Variants in FHIP1A observed in about 807,000 individuals in gnomAD.
FHIP1A encodes the protein FHF complex subunit HOOK-interacting protein 1A.
A neutral mutation model predicts 88.6 loss-of-function variants in FHIP1A; 61 were observed. The observed-to-expected ratio is 0.69, with a 90% CI of 0.56 to 0.85. The LOEUF (loss-of-function observed/expected upper bound fraction) is 0.85. FHIP1A is among the 40% of genes least tolerant of loss of function. The pLI, the probability that FHIP1A is intolerant of heterozygous loss-of-function variation, is 0.00. For synonymous variants in FHIP1A, 478 were observed against 496.0 expected (o/e 0.96, Z 0.48); for missense variants, 1,154 against 1,273.5 (o/e 0.91, Z 1.43).
chr4:151,466,139 G>A (rs1425066380), intron 2 of FHIP1A, among the ~76,000 whole-genome samples: 1 of 152,098 alleles, frequency 6.6e-6, no homozygotes. Context: ...AGAGTTTCAG[G>A]ATACAAAATC....
At chr4:151,497,455 G>A (rs571718414) in intron 3 of FHIP1A, among the ~76,000 whole-genome samples, 53 of 152,254 alleles carry the variant, frequency 3.5e-4, no homozygotes, top group Non-Finnish European at 6.0e-4. Flanking sequence ...AAAAAGACAA[G>A]GAATAGGCAT....
intron 13 of FHIP1A, among the ~76,000 whole-genome samples, chr4:151,657,278 C>CA (rs1405928896): frequency 6.6e-6 from 1 of 152,114 alleles, no homozygotes; most frequent in Non-Finnish European, 1.5e-5. Flanking sequence ...CTGAGGAGGG[C>CA]ATGTGTTCTC....
chr4:151,460,083 A>T lies in FHIP1A; in HGVS notation c.-248+5275A>T, dbSNP rs536658968. ...TTTATTTTTGAATTTGTGGCTACAT[A>T]TTGAAAAATAACACTTCTTTTTGAT... On this transcript the variant is annotated intron_variant, in intron 2 of 13. Coordinates refer to ENST00000435205, the MANE Select transcript of FHIP1A (RefSeq NM_001109977.3). Among the ~76,000 whole-genome samples the T allele has an allele frequency of 2.0e-5, 3 of 152,296 alleles. No individual in the cohort carries two copies. The East Asian group carries it at 5.8e-4, about 29-fold the overall frequency.
At chr4:151,443,237 G>T (rs1445006515) in intron 1 of FHIP1A, among the ~76,000 whole-genome samples, 1 of 152,176 alleles carries the variant, frequency 6.6e-6, no homozygotes, top group Non-Finnish European at 1.5e-5. Context: ...GTTCGAGGTT[G>T]CTGTGAGCTA....
chr4:151,529,348 C>A (rs1731792102), intron 3 of FHIP1A, among the ~76,000 whole-genome samples: 1 of 152,150 alleles, frequency 6.6e-6, no homozygotes, highest in South Asian at 2.1e-4. Flanking sequence ...TTATTGTAGC[C>A]TGCTACTCTC....
At chr4:151,565,675 C>T (rs1400125592) in intron 3 of FHIP1A, among the ~76,000 whole-genome samples, 3 of 152,060 alleles carry the variant, frequency 2.0e-5, no homozygotes, top group Non-Finnish European at 4.4e-5. Context: ...GCTGTTAACT[C>T]ATGGTTTTCC....
chr4:151,586,742 AC>A lies in FHIP1A; in HGVS notation c.835del (p.Leu279PhefsTer8). 6.4e-7 allele frequency: 1 copy of A among 1,551,426 alleles called. No individual in the cohort carries two copies. The part of the protein sequence containing the change: ...HCLLKDDWLL[L>X]PSLVQFMNSL... ...GCCTTCTGAAAGATGACTGGCTTCT[AC>A]TTCCTTCTCTTGTCCAGTTCATGAA... On this transcript the variant is annotated frameshift_variant, in exon 6 of 14. Transcript: ENST00000435205. LOFTEE classifies it high-confidence loss of function.
At chr4:151,547,315 A>C (rs940374210) in intron 3 of FHIP1A, among the ~76,000 whole-genome samples, 2 of 152,194 alleles carry the variant, frequency 1.3e-5, no homozygotes, top group Non-Finnish European at 2.9e-5. Context: ...CCAAGAGAAG[A>C]GCCACCCCGC....
chr4:151,511,357 C>T (rs527901096), intron 3 of FHIP1A, among the ~76,000 whole-genome samples: 42 of 152,300 alleles, frequency 2.8e-4, no homozygotes, highest in Non-Finnish European at 5.3e-4. Context: ...GTGTGAGCGA[C>T]GCAGAAGACG....
intron 3 of FHIP1A, among the ~76,000 whole-genome samples, chr4:151,516,941 C>T (rs575054973): frequency 1.3e-5 from 2 of 152,210 alleles, no homozygotes; most frequent in Non-Finnish European, 2.9e-5. Flanking sequence ...ACCCAGCCAT[C>T]CCATTACTGG....
At chr4:151,442,295 G>T (rs1253475399) in intron 1 of FHIP1A, among the ~76,000 whole-genome samples, 2 of 151,974 alleles carry the variant, frequency 1.3e-5, no homozygotes, top group African/African-American at 2.4e-5. Context: ...TTTAGTCAGA[G>T]TTTGTTGGTT....
At chr4:151,470,125 T>C (rs562818690) in intron 2 of FHIP1A, among the ~76,000 whole-genome samples, 95 of 152,332 alleles carry the variant, frequency 6.2e-4, no homozygotes, top group African/African-American at 2.2e-3. Context: ...TTTTAAACAA[T>C]GTGTGGTAGA....
chr4:151,629,696 T>A lies in FHIP1A; in HGVS notation c.979-6T>A, dbSNP rs761481233. 40 of 1,550,442 alleles carry A rather than the reference T, an allele frequency of 2.6e-5. 1 individual carries two copies. In the South Asian group the frequency reaches 4.6e-4, roughly 18 times the overall value. On this transcript the variant is annotated splice_polypyrimidine_tract_variant and splice_region_variant and intron_variant, in intron 7 of 13. Transcript: ENST00000435205. ...TCACCTGTGCTCACTCCGTTGTTTG[T>A]CCTAGGTGACTGTGGAAGAGGTCAT...
At chr4:151,615,435 A>G (rs1735485331) in intron 7 of FHIP1A, among the ~76,000 whole-genome samples, 1 of 152,216 alleles carries the variant, frequency 6.6e-6, no homozygotes, top group South Asian at 2.1e-4. Flanking sequence ...TGTATAATAC[A>G]TGTAAAACAT....
In FHIP1A at chr4:151,578,053, G is replaced by A. The variant is rs138026287; in HGVS notation, c.709G>A (p.Val237Met). Residue 237 changes from valine to methionine, a missense_variant, in exon 5 of 14, where the codon GTG becomes ATG. Coordinates refer to ENST00000435205, the MANE Select transcript of FHIP1A (RefSeq NM_001109977.3). Reference protein sequence around the residue: ...AENTMVAHHIVENTYFCPVLA... With the variant: ...AENTMVAHHIMENTYFCPVLA... ...GAACACCATGGTGGCCCATCACATC[G>A]TGGAGAACACCTACTTTTGTCCAGT... is the stretch of plus-strand genomic sequence containing the variant. 1.6e-3 allele frequency: 2,527 copies of A among 1,550,372 alleles called. 4 individuals carry two copies. Among genetic ancestry groups the A allele is most frequent in the Non-Finnish European group, 2.0e-3 (2,341 of 1,146,736 alleles).
chr4:151,586,968 T>C (rs1734240778), intron 6 of FHIP1A, among the ~76,000 whole-genome samples, 169 bp downstream of exon 6: 1 of 152,236 alleles, frequency 6.6e-6, no homozygotes, highest in Non-Finnish European at 1.5e-5. Context: ...TGTTAGTTTG[T>C]AGGTTTCTGG....
At chr4:151,504,509 A>G (rs966010765) in intron 3 of FHIP1A, among the ~76,000 whole-genome samples, 9 of 152,198 alleles carry the variant, frequency 5.9e-5, no homozygotes, top group Non-Finnish European at 1.2e-4. Context: ...ACCCAACTCA[A>G]ACCTGTTTAA....
At chr4:151,521,862 C>T (rs1731458566) in intron 3 of FHIP1A, among the ~76,000 whole-genome samples, 1 of 152,042 alleles carries the variant, frequency 6.6e-6, no homozygotes, top group Admixed American at 6.5e-5. Flanking sequence ...GTAGCTGGGA[C>T]CACACACATG....
intron 3 of FHIP1A, among the ~76,000 whole-genome samples, chr4:151,558,252 G>A (rs1328724221): frequency 2.0e-5 from 3 of 152,138 alleles, no homozygotes; most frequent in Non-Finnish European, 4.4e-5. Context: ...GAGTTGTGGT[G>A]TAGCCAGGTG....
Sources: allele counts gnomAD v4.1 joint callset (sites outside exome capture counted in the v4.1 genomes callset), GRCh38; gene constraint gnomAD v4.1.1; transcripts MANE v1.5; gene names NCBI Gene and HGNC (gene_info 2026-07-23, HGNC 2026-07-21).